AGBL4: variants seen among roughly 807,000 people sequenced by gnomAD.
AGBL4 encodes cytosolic carboxypeptidase 6.
A neutral mutation model predicts 66.4 loss-of-function variants in AGBL4; 58 were observed. That is an observed-to-expected ratio of 0.87 (90% CI 0.71 to 1.09). The LOEUF (loss-of-function observed/expected upper bound fraction) is 1.09. Ranked by LOEUF, AGBL4 falls within the 50% of genes least tolerant of loss-of-function variation. The pLI is 0.00. For synonymous variants in AGBL4, 234 were observed against 222.9 expected, an observed-to-expected ratio of 1.05 and a Z score of -0.44; for missense variants, 579 against 631.0, an observed-to-expected ratio of 0.92 and a Z score of 0.88.
chr1:48,559,810 C>A (rs1263219174), intron 11 of AGBL4, among the ~76,000 whole-genome samples: 1 of 152,118 alleles, frequency 6.6e-6, no homozygotes, highest in Non-Finnish European at 1.5e-5. Context: ...TACATTCCTG[C>A]TTCCTCTTGC....
intron 5 of AGBL4, among the ~76,000 whole-genome samples, chr1:48,916,248 T>A (rs1486612753): frequency 6.6e-6 from 1 of 152,174 alleles, no homozygotes; most frequent in Non-Finnish European, 1.5e-5. Context: ...AAAAGGAAAG[T>A]ACAGGGAAAA....
At chr1:49,570,665 C>A (rs973573737) in intron 3 of AGBL4, among the ~76,000 whole-genome samples, 1 of 151,970 alleles carries the variant, frequency 6.6e-6, no homozygotes, top group African/African-American at 2.4e-5. Flanking sequence ...TTTGCCTAGA[C>A]CAATGTCCAG....
chr1:48,617,653 C>CT (rs958739916), intron 9 of AGBL4, among the ~76,000 whole-genome samples: 2 of 152,126 alleles, frequency 1.3e-5, no homozygotes, highest in African/African-American at 4.8e-5. Context: ...TTCTCTCTAC[C>CT]TTTTTTCTGT....
chr1:48,926,014 T>A (rs549596772), intron 5 of AGBL4, among the ~76,000 whole-genome samples: 132 of 152,296 alleles, frequency 8.7e-4, no homozygotes, highest in African/African-American at 3.1e-3. Context: ...AATGATCTCC[T>A]GTGGTTAGAT....
chr1:49,991,240 C>A (rs1201154927), intron 1 of AGBL4, among the ~76,000 whole-genome samples: 1 of 151,972 alleles, frequency 6.6e-6, no homozygotes, highest in Non-Finnish European at 1.5e-5. Flanking sequence ...TGTTTTGAGT[C>A]CAAAGACCCT....
intron 3 of AGBL4, among the ~76,000 whole-genome samples, chr1:49,336,995 A>T (rs1645450893): frequency 6.6e-6 from 1 of 152,194 alleles, no homozygotes; most frequent in Non-Finnish European, 1.5e-5. Context: ...TGAGATTAAA[A>T]ATACACTTGA....
At chr1:48,801,743 C>T (rs1645813536) in intron 6 of AGBL4, among the ~76,000 whole-genome samples, 1 of 152,106 alleles carries the variant, frequency 6.6e-6, no homozygotes, top group Non-Finnish European at 1.5e-5. Flanking sequence ...CCGCTTCCTC[C>T]ACAGGATCTA....
intron 8 of AGBL4, among the ~76,000 whole-genome samples, chr1:48,635,745 A>G (rs1645658479): frequency 6.6e-6 from 1 of 152,168 alleles, no homozygotes; most frequent in Admixed American, 6.5e-5. Context: ...AGGACCACAC[A>G]AAGAAATGTC....
At chr1:49,711,986 G>A (rs369783821) in intron 2 of AGBL4, among the ~76,000 whole-genome samples, 30 of 152,008 alleles carry the variant, frequency 2.0e-4, no homozygotes, top group African/African-American at 7.2e-4. Flanking sequence ...TCAATTTACT[G>A]ACTATAATGG....
intron 5 of AGBL4, among the ~76,000 whole-genome samples, chr1:48,959,221 T>C (rs1047946292): frequency 6.6e-6 from 1 of 152,212 alleles, no homozygotes; most frequent in Non-Finnish European, 1.5e-5. Flanking sequence ...TCCTTAGGCA[T>C]AAATTGGAGA....
chr1:49,366,934 C>G (rs2148545652), intron 3 of AGBL4, among the ~76,000 whole-genome samples: 1 of 152,120 alleles, frequency 6.6e-6, no homozygotes, highest in East Asian at 1.9e-4. Context: ...TGAGAGAAAA[C>G]TGACATTCTA....
intron 4 of AGBL4, among the ~76,000 whole-genome samples, chr1:49,200,826 T>C (rs138061314): frequency 6.8e-4 from 103 of 152,292 alleles, no homozygotes; most frequent in African/African-American, 2.3e-3. Context: ...ATAGGCATGA[T>C]TGATTAAATC....
In AGBL4 at chr1:49,511,615, T is replaced by A. The variant is rs138256808; in HGVS notation, c.282+185698A>T. ...AAACTTAAAGTATAATTAAAAAAAA[T>A]TTTTTTTTAAAAAAATTGAAGCTCC... On this transcript the variant is annotated intron_variant, in intron 3 of 13. Transcript: ENST00000371839. Among the ~76,000 whole-genome samples, 303 of 151,580 alleles carry A rather than the reference T, an allele frequency of 2.0e-3. 1 individual carries two copies. Among genetic ancestry groups the A allele is most frequent in the African/African-American group, 5.2e-3 (214 of 41,346 alleles).
chr1:49,567,272 G>A (rs990170826), intron 3 of AGBL4, among the ~76,000 whole-genome samples: 2 of 152,212 alleles, frequency 1.3e-5, no homozygotes, highest in Admixed American at 6.5e-5. Flanking sequence ...GCCTCGCCCT[G>A]CTTTGGCTCA....
chr1:49,622,269 T>C (rs1018959588), intron 3 of AGBL4, among the ~76,000 whole-genome samples: 1 of 152,142 alleles, frequency 6.6e-6, no homozygotes, highest in Non-Finnish European at 1.5e-5. Context: ...TATGGAGTTA[T>C]TAGGTGTAAG....
chr1:49,006,014 G>T (rs376383665), intron 5 of AGBL4, among the ~76,000 whole-genome samples: 1 of 152,058 alleles, frequency 6.6e-6, no homozygotes, highest in South Asian at 2.1e-4. Context: ...AAAAAAAAGG[G>T]AGGAGGAGCC....
chr1:48,608,491 A>G (rs1162817079), intron 9 of AGBL4, among the ~76,000 whole-genome samples: 1 of 152,156 alleles, frequency 6.6e-6, no homozygotes, highest in African/African-American at 2.4e-5. Context: ...GAATGGCTCT[A>G]TGTCAGTAAC....
chr1:48,637,445 C>T (rs952705231), intron 8 of AGBL4, among the ~76,000 whole-genome samples: 1 of 152,164 alleles, frequency 6.6e-6, no homozygotes, highest in African/African-American at 2.4e-5. Flanking sequence ...TTTGCTCCTC[C>T]ATCATTACAA....
intron 2 of AGBL4, among the ~76,000 whole-genome samples, chr1:49,804,001 C>T (rs961921648): frequency 2.0e-5 from 3 of 152,148 alleles, no homozygotes; most frequent in African/African-American, 7.2e-5. Context: ...TTGGACTGTT[C>T]TTTAAGTGTG....
Sources: allele counts gnomAD v4.1 joint callset (sites outside exome capture counted in the v4.1 genomes callset), GRCh38; gene constraint gnomAD v4.1.1; transcripts MANE v1.5; gene names NCBI Gene and HGNC (gene_info 2026-07-23, HGNC 2026-07-21).